A4GALT: variants seen among roughly 807,000 people sequenced by gnomAD.
The protein encoded by A4GALT is alpha 1,4-galactosyltransferase (P1PK blood group), also known as lactosylceramide 4-alpha-galactosyltransferase.
For missense variants in A4GALT, 512 were observed against 486.0 expected (o/e 1.05, Z -0.50); for synonymous variants, 257 against 220.7 (o/e 1.16, Z -1.46).
chr22:42,708,335 G>A lies in A4GALT; in HGVS notation c.-188+12462C>T, dbSNP rs534945913. Among the ~76,000 whole-genome samples, 29 of 152,088 alleles carry A rather than the reference G, an allele frequency of 1.9e-4. No individual in the cohort carries two copies. The South Asian group carries it at 2.7e-3, about 14-fold the overall frequency. Reference sequence around the variant, plus strand: ...GGAGGTTGCAGTGAGCCGAGATCGCGCCATTGCATTCTAGCCTGGGCAACA... The same window carrying A: ...GGAGGTTGCAGTGAGCCGAGATCGCACCATTGCATTCTAGCCTGGGCAACA... On this transcript the variant is annotated intron_variant, in intron 1 of 2. Coordinates refer to ENST00000642412, the MANE Select transcript of A4GALT (RefSeq NM_017436.7).
intron 1 of A4GALT, among the ~76,000 whole-genome samples, chr22:42,717,281 G>A (rs1352711881): frequency 1.3e-5 from 2 of 152,186 alleles, no homozygotes; most frequent in Non-Finnish European, 2.9e-5. Context: ...AGGGCTTGTG[G>A]TTGGTATGTG....
chr22:42,716,763 G>A (rs994908290), intron 1 of A4GALT, among the ~76,000 whole-genome samples: 1 of 152,168 alleles, frequency 6.6e-6, no homozygotes, highest in Admixed American at 6.5e-5. Flanking sequence ...AGAGGGTCTG[G>A]TAAGGTCAGG....
chr22:42,705,569 C>T (rs1921004238), intron 1 of A4GALT, among the ~76,000 whole-genome samples: 1 of 112,556 alleles, frequency 8.9e-6, no homozygotes, highest in African/African-American at 2.8e-5. Context: ...TACCACTGCA[C>T]TCCAGCCTGG....
At chr22:42,719,169 C>A (rs1358668504) in intron 1 of A4GALT, among the ~76,000 whole-genome samples, 5 of 152,184 alleles carry the variant, frequency 3.3e-5, no homozygotes, top group African/African-American at 9.7e-5. Flanking sequence ...AGCTAGAGGG[C>A]TTCAATTAGT....
Position 42,692,648 on chromosome 22 carries a change from G to T in A4GALT, c.*242C>A. The T allele has an allele frequency of 1.5e-6, 1 of 663,086 alleles. No homozygotes were observed. The highest frequency in any genetic ancestry group is 2.8e-6 in the Non-Finnish European group (1 of 360,574). 41.1% of individuals were successfully genotyped at this position (663,086 alleles called of 1,614,324 possible). A position where few individuals can be genotyped will look rare whatever the true frequency, so the allele number is the denominator to read the frequency against. ...CCTGCCTGTTGTCTAGAAGGCCCGG[G>T]GCACTCACTGAGCGCCCTCCGCTGG... On this transcript the variant is annotated 3_prime_UTR_variant, in exon 3 of 3. Coordinates refer to ENST00000642412, the MANE Select transcript of A4GALT (RefSeq NM_017436.7). The surrounding 1 kb of genome is among the most constrained non-coding windows in gnomAD (Gnocchi z 4.6).
chr22:42,706,524 G>T (rs1022013824), intron 1 of A4GALT, among the ~76,000 whole-genome samples: 6 of 151,732 alleles, frequency 4.0e-5, no homozygotes, highest in African/African-American at 1.5e-4. Flanking sequence ...GCCGGGTGCG[G>T]TCGCTTACGC....
At chr22:42,711,249 C>T (rs1160873688) in intron 1 of A4GALT, among the ~76,000 whole-genome samples, 1 of 152,156 alleles carries the variant, frequency 6.6e-6, no homozygotes, top group African/African-American at 2.4e-5. Context: ...AATGGACATA[C>T]TCAGATAGCA....
intron 1 of A4GALT, among the ~76,000 whole-genome samples, chr22:42,703,106 C>CTGTGTGTG (rs3985930): frequency 0.16 from 21,021 of 133,886 alleles, 1,827 homozygotes; most frequent in Middle Eastern, 0.21. Flanking sequence ...TGCTGCCCCA[C>CTGTGTGTG]TGTGTGTGTG....
At chr22:42,713,070 A>T (rs1479604488) in intron 1 of A4GALT, among the ~76,000 whole-genome samples, 6 of 152,106 alleles carry the variant, frequency 3.9e-5, no homozygotes, top group Non-Finnish European at 7.4e-5. Context: ...CTCCCCCTCA[A>T]TTCTAAGCCT....
At position 42,692,850 on chromosome 22, in the gene A4GALT, C is replaced by T. The variant is rs201931670; in HGVS notation, c.*40G>A. ...CTCCCCGGGAAGGGCGGCCCAGTGC[C>T]CCATCAGGAGCAGGTTGGGGAGGTG... On this transcript the variant is annotated 3_prime_UTR_variant, in exon 3 of 3. Transcript: ENST00000642412. This position sits in a 1 kb window ranked among gnomAD's most constrained non-coding sequence, Gnocchi z 4.6. 5 of 1,595,564 alleles carry T rather than the reference C, an allele frequency of 3.1e-6. No homozygotes were observed. The African/African-American group carries it at 5.3e-5, about 17-fold the overall frequency.
At chr22:42,699,785 G>GC (rs2146977137) in intron 1 of A4GALT, among the ~76,000 whole-genome samples, 1 of 152,284 alleles carries the variant, frequency 6.6e-6, no homozygotes, top group East Asian at 1.9e-4. Flanking sequence ...GACACAGGGT[G>GC]CCCCAATTAA....
intron 1 of A4GALT, among the ~76,000 whole-genome samples, chr22:42,718,913 T>A (rs1429876642): frequency 6.6e-6 from 1 of 152,068 alleles, no homozygotes; most frequent in African/African-American, 2.4e-5. Context: ...GGCTTGGTGG[T>A]GGAGGCCGTC....
At chr22:42,709,481 T>A (rs1602016851) in intron 1 of A4GALT, among the ~76,000 whole-genome samples, 1 of 152,038 alleles carries the variant, frequency 6.6e-6, no homozygotes, top group South Asian at 2.1e-4. Flanking sequence ...GCAAATAGAA[T>A]TCAGCAGCAC....
intron 1 of A4GALT, among the ~76,000 whole-genome samples, chr22:42,703,754 C>A (rs539807925): frequency 6.6e-6 from 1 of 152,168 alleles, no homozygotes; most frequent in African/African-American, 2.4e-5. Context: ...TGGCGGGACA[C>A]ATGGGCACCT....
At chr22:42,694,075 C>G in intron 2 of A4GALT, 78 bp from the exon 3 acceptor site, 1 of 902,008 alleles carries the variant, frequency 1.1e-6, no homozygotes, top group Non-Finnish European at 1.7e-6. Flanking sequence ...CTGTGAACAT[C>G]AGCCAGAGCC....
At chr22:42,714,468 G>C (rs1186731762) in intron 1 of A4GALT, among the ~76,000 whole-genome samples, 2 of 151,818 alleles carry the variant, frequency 1.3e-5, no homozygotes, top group African/African-American at 4.8e-5. Flanking sequence ...CCAGCTACTT[G>C]GGAGGCTGAG....
chr22:42,695,805 G>C (rs1930883207), intron 1 of A4GALT, among the ~76,000 whole-genome samples, 174 bp from the exon 2 acceptor site: 1 of 152,150 alleles, frequency 6.6e-6, no homozygotes, highest in Non-Finnish European at 1.5e-5. Flanking sequence ...TGGTACCCAG[G>C]AGAAGGGGAG....
intron 1 of A4GALT, among the ~76,000 whole-genome samples, chr22:42,714,301 A>G (rs1921967441): frequency 6.7e-6 from 1 of 149,456 alleles, no homozygotes; most frequent in African/African-American, 2.5e-5. Flanking sequence ...AAAAAAAAAA[A>G]AAAAAGGCAG....
Position 42,693,300 on chromosome 22 carries a change from C to G in A4GALT, c.652G>C (p.Gly218Arg). ...CGGCGCTCGAAGGCCAGGAACGCGC[C>G]GTTGAGGACGTAGCGGGACTGGGTG... ...LGTQSRYVLN[G>R]AFLAFERRHE... Residue 218 changes from glycine to arginine, a missense_variant, in exon 3 of 3, where the codon GGC becomes CGC. Transcript: ENST00000642412. The G allele has an allele frequency of 6.2e-7, 1 of 1,613,090 alleles. No individual in the cohort carries two copies.
Sources: allele counts gnomAD v4.1 joint callset (sites outside exome capture counted in the v4.1 genomes callset), GRCh38; gene constraint gnomAD v4.1.1; non-coding constraint Gnocchi (gnomAD v3.1); transcripts MANE v1.5; gene names NCBI Gene and HGNC (gene_info 2026-07-23, HGNC 2026-07-21).